PPARGC1B: variants seen among roughly 807,000 people sequenced by gnomAD.
PPARGC1B encodes PPARG coactivator 1 beta.
In PPARGC1B, 34 loss-of-function variants were observed where a neutral mutation model predicts 101.6. That is an observed-to-expected ratio of 0.33 (90% confidence interval 0.25 to 0.45). PPARGC1B has a LOEUF of 0.45. Among genes scored for constraint, PPARGC1B ranks in the 20% least tolerant of loss-of-function variants. The probability of loss-of-function intolerance (pLI) is 1.00; values close to 1 mark genes in which losing one functional copy is unlikely to be tolerated. For missense variants in PPARGC1B, 1,234 were observed against 1,317.6 expected, an observed-to-expected ratio of 0.94 and a Z score of 0.98; for synonymous variants, 548 against 539.3, an observed-to-expected ratio of 1.02 and a Z score of -0.22.
intron 1 of PPARGC1B, among the ~76,000 whole-genome samples, chr5:149,778,063 T>A (rs7713988): frequency 0.24 from 2,851 of 11,842 alleles, 611 homozygotes; most frequent in African/African-American, 0.39. Flanking sequence ...TAGCAGCATC[T>A]CACACACACA....
At chr5:149,777,826 C>CACACAG (rs1305577059) in intron 1 of PPARGC1B, among the ~76,000 whole-genome samples, 4 of 115,718 alleles carry the variant, frequency 3.5e-5, no homozygotes, top group Admixed American at 8.9e-5. Context: ...CACACACACA[C>CACACAG]AGTATCCGGC....
intron 1 of PPARGC1B, among the ~76,000 whole-genome samples, chr5:149,771,759 C>T (rs1756139918): frequency 6.6e-6 from 1 of 152,208 alleles, no homozygotes; most frequent in Non-Finnish European, 1.5e-5. Flanking sequence ...CTTGCTCCGC[C>T]TTACATTCAG....
rs975791446 is a variant in PPARGC1B at position 149,833,147 on chromosome 5, C to G, written c.1074C>G (p.Pro358=). The G allele has an allele frequency of 1.2e-6, 2 of 1,613,658 alleles. No homozygotes were observed. The highest frequency in any genetic ancestry group is 2.7e-5 in the African/African-American group (2 of 74,946). The stretch of plus-strand genomic sequence containing the variant: ...ACGTGCTCTGTGATGTCAGCAAACC[C>G]TACCGTCTGGCCACGCCTGTTTATG... ...AQDVLCDVSK[P]YRLATPVYAS... The change falls in exon 5 of 12, where the codon CCC becomes CCG. Residue 358 remains proline (P), a synonymous_variant. Coordinates refer to ENST00000309241, the MANE Select transcript of PPARGC1B (RefSeq NM_133263.4). This position sits in a 1 kb window ranked among gnomAD's most constrained non-coding sequence, Gnocchi z 4.1.
chr5:149,791,213 G>A (rs1757005196), intron 1 of PPARGC1B, among the ~76,000 whole-genome samples: 2 of 125,260 alleles, frequency 1.6e-5, no homozygotes, highest in Non-Finnish European at 3.3e-5. Context: ...GGCGGGGGGC[G>A]GGGTGGGGGC....
Position 149,833,643 on chromosome 5 carries a change from A to C in PPARGC1B, c.1570A>C (p.Ser524Arg). 8 of 1,610,220 alleles carry C rather than the reference A, an allele frequency of 5.0e-6. No individual in the cohort carries two copies. Among genetic ancestry groups the C allele is most frequent in the Non-Finnish European group, 5.9e-6 (7 of 1,178,540 alleles). Reference sequence around the variant, plus strand: ...CTACGACGTAGAGCGGGAGCTGGGCAGCCCCACGGACGAGGACAGTGGCCA... The same window carrying C: ...CTACGACGTAGAGCGGGAGCTGGGCCGCCCCACGGACGAGGACAGTGGCCA... ...KAYDVERELGSPTDEDSGQDQ... is the reference protein window; with the variant it reads ...KAYDVERELGRPTDEDSGQDQ... Residue 524 changes from serine (S) to arginine (R), a missense_variant, in exon 5 of 12, where the codon AGC becomes CGC. Physicochemically the swap from Ser to Arg is moderately radical, Grantham distance 110 (BLOSUM62 -1). Transcript: ENST00000309241. This position sits in a 1 kb window ranked among gnomAD's most constrained non-coding sequence, Gnocchi z 4.1.
intron 1 of PPARGC1B, among the ~76,000 whole-genome samples, chr5:149,770,960 G>C (rs979925620): frequency 2.6e-5 from 4 of 152,176 alleles, no homozygotes; most frequent in Non-Finnish European, 5.9e-5. Flanking sequence ...ATTATTACAG[G>C]GTCAGGGCTT....
At chr5:149,807,816 G>GC (rs1293601574) in intron 1 of PPARGC1B, among the ~76,000 whole-genome samples, 1 of 152,062 alleles carries the variant, frequency 6.6e-6, no homozygotes, top group Non-Finnish European at 1.5e-5. Context: ...TGAAACTGAG[G>GC]CCCCACTAAA....
In PPARGC1B at chr5:149,842,376, A is replaced by G; in HGVS notation, c.2815A>G (p.Arg939Gly). ...GTGCGAGGTGCTGACAAGAAATAGG[A>G]GGTGAGTTGAACCAAGCCATGGCAA... is the stretch of plus-strand genomic sequence containing the variant. ...EECEVLTRNR[R>G]GEKYGFITYR... is the part of the protein sequence containing the mutation. Residue 939 changes from arginine (R) to glycine (G), a missense_variant and splice_region_variant, in exon 10 of 12, where the codon AGA becomes GGA. Physicochemically the swap from Arg to Gly is moderately radical, Grantham distance 125. Coordinates refer to ENST00000309241, the MANE Select transcript of PPARGC1B (RefSeq NM_133263.4). The G allele has an allele frequency of 6.2e-7, 1 of 1,613,558 alleles. No homozygotes were observed. Among genetic ancestry groups the G allele is most frequent in the Non-Finnish European group, 8.5e-7 (1 of 1,179,538 alleles).
chr5:149,750,627 C>G (rs1755262609), intron 1 of PPARGC1B, among the ~76,000 whole-genome samples: 1 of 152,050 alleles, frequency 6.6e-6, no homozygotes, highest in Non-Finnish European at 1.5e-5. Context: ...GAGCTGCTTA[C>G]AGAGCCGCTG....
chr5:149,732,368 G>T (rs1438008970), intron 1 of PPARGC1B, among the ~76,000 whole-genome samples: 1 of 152,224 alleles, frequency 6.6e-6, no homozygotes, highest in Non-Finnish European at 1.5e-5. Flanking sequence ...AATAGCCGGA[G>T]ACTCGTTCAG....
intron 1 of PPARGC1B, among the ~76,000 whole-genome samples, chr5:149,763,788 C>CTT (rs1013564279): frequency 2.7e-5 from 4 of 148,302 alleles, no homozygotes; most frequent in Non-Finnish European, 6.0e-5. Context: ...GCCTTTTTTT[C>CTT]TTTTTTTTTT....
At chr5:149,790,605 G>C (rs1263448704) in intron 1 of PPARGC1B, among the ~76,000 whole-genome samples, 1 of 152,156 alleles carries the variant, frequency 6.6e-6, no homozygotes, top group Non-Finnish European at 1.5e-5. Flanking sequence ...CTAGGCTGAG[G>C]CATCTGGGAG....
intron 1 of PPARGC1B, among the ~76,000 whole-genome samples, chr5:149,788,815 C>CT (rs1756902446): frequency 6.6e-6 from 1 of 152,148 alleles, no homozygotes; most frequent in East Asian, 1.9e-4. Context: ...TCTGAGCAAA[C>CT]TATCGCAAGG....
At chr5:149,731,367 A>G (rs1044354963) in intron 1 of PPARGC1B, among the ~76,000 whole-genome samples, 4 of 152,172 alleles carry the variant, frequency 2.6e-5, no homozygotes, top group African/African-American at 7.2e-5. Context: ...TCCCCACCCA[A>G]TGCCTGTTGC....
intron 3 of PPARGC1B, among the ~76,000 whole-genome samples, chr5:149,828,739 G>A (rs1309212117): frequency 6.6e-6 from 1 of 152,184 alleles, no homozygotes; most frequent in Admixed American, 6.5e-5. Flanking sequence ...CCTGCATACC[G>A]ACAGAGATCT....
chr5:149,833,843 G>T lies in PPARGC1B; in HGVS notation c.1705+65G>T. ...GGGGTGCAGCATGCCCCTCTGCACTGGGAGCCAGGAGCCCTGTGTTCAAGT... is the reference window on the plus strand; with the variant it reads ...GGGGTGCAGCATGCCCCTCTGCACTTGGAGCCAGGAGCCCTGTGTTCAAGT... On this transcript the variant is annotated intron_variant, in intron 5 of 11. Transcript: ENST00000309241. This position sits in a 1 kb window ranked among gnomAD's most constrained non-coding sequence, Gnocchi z 4.1. 2 of 1,427,710 alleles carry T rather than the reference G, an allele frequency of 1.4e-6. No homozygotes were observed. Among genetic ancestry groups the T allele is most frequent in the South Asian group, 1.6e-5 (1 of 64,430 alleles). 88.4% of individuals were successfully genotyped at this position (1,427,710 alleles called of 1,614,324 possible). A position where few individuals can be genotyped will look rare whatever the true frequency, so the allele number is the denominator to read the frequency against.
At position 149,842,362 on chromosome 5, in the gene PPARGC1B, T is replaced by C; in HGVS notation, c.2801T>C (p.Leu934Pro). ...GGTGAGATTGAGGAGTGCGAGGTGC[T>C]GACAAGAAATAGGAGGTGAGTTGAA... ...VFGEIEECEV[L>P]TRNRRGEKYG... The change falls in exon 10 of 12, where the codon CTG (leucine) becomes CCG (proline). Residue 934 changes from leucine to proline, a missense_variant. Leu to Pro is a moderately conservative substitution (Grantham distance 98). Around this residue, in one of 3 missense-constraint regions of PPARGC1B, gnomAD observed 497 missense variants for 529.5 expected, o/e 0.94. Coordinates refer to ENST00000309241, the MANE Select transcript of PPARGC1B (RefSeq NM_133263.4). The C allele has an allele frequency of 1.9e-6, 3 of 1,613,822 alleles. No homozygotes were observed. Among genetic ancestry groups the C allele is most frequent in the Non-Finnish European group, 2.5e-6 (3 of 1,179,850 alleles).
At position 149,836,597 on chromosome 5, in the gene PPARGC1B, G is replaced by A. The variant is rs140884079; in HGVS notation, c.2142G>A (p.Pro714=). Residue 714 remains proline, a synonymous_variant, in exon 8 of 12, where the codon CCG becomes CCA. Coordinates refer to ENST00000309241, the MANE Select transcript of PPARGC1B (RefSeq NM_133263.4). ...LQRKVLRSWE[P]SGVHLEDWPQ... Reference sequence around the variant, plus strand: ...GGAAGGTGCTGAGGTCCTGGGAGCCGTCTGGGGTTCACCTTGAGGACTGGC... The same window carrying A: ...GGAAGGTGCTGAGGTCCTGGGAGCCATCTGGGGTTCACCTTGAGGACTGGC... 4.5e-5 allele frequency: 73 copies of A among 1,613,684 alleles called. No individual in the cohort carries two copies. The highest frequency in any genetic ancestry group is 3.5e-4 in the African/African-American group (26 of 74,952).
At chr5:149,783,091 AAGAGAG>A (rs56799682) in intron 1 of PPARGC1B, among the ~76,000 whole-genome samples, 2 of 150,040 alleles carry the variant, frequency 1.3e-5, no homozygotes, top group South Asian at 2.1e-4. Flanking sequence ...ATGAGAGATA[AAGAGAG>A]AGAGAGAGAG....
Sources: allele counts gnomAD v4.1 joint callset (sites outside exome capture counted in the v4.1 genomes callset), GRCh38; gene constraint gnomAD v4.1.1; regional missense constraint gnomAD v4.1.1; non-coding constraint Gnocchi (gnomAD v3.1); transcripts MANE v1.5; gene names NCBI Gene and HGNC (gene_info 2026-07-23, HGNC 2026-07-21).